GTPBP1: variants seen among roughly 807,000 people sequenced by gnomAD.
GTPBP1 encodes GTP-binding protein 1.
In GTPBP1, 23 loss-of-function variants were observed where a neutral mutation model predicts 62.0. The ratio of observed to expected loss-of-function variants is 0.37; its 90% CI spans 0.27 to 0.53. The LOEUF (loss-of-function observed/expected upper bound fraction) is 0.53, where lower values mean the gene tolerates loss of function less well. Ranked by LOEUF, GTPBP1 falls within the 20% of genes least tolerant of loss-of-function variation. The pLI is 0.89. For missense variants in GTPBP1, 640 were observed against 917.3 expected, an observed-to-expected ratio of 0.70 and a Z score of 3.90; for synonymous variants, 344 against 364.4, an observed-to-expected ratio of 0.94 and a Z score of 0.64.
At chr22:38,741,509 G>A (rs370844999), downstream of GTPBP1, 23 of 1,613,832 alleles carry the variant, frequency 1.4e-5, no homozygotes, top group South Asian at 1.9e-4. Flanking sequence ...AGGCCCGGAC[G>A]ATCTTCTTGA....
chr22:38,723,483 G>A (rs2092711593), intron 5 of GTPBP1: 1 of 820,378 alleles, frequency 1.2e-6, no homozygotes, highest in Non-Finnish European at 2.0e-6. Context: ...GCTCAGAGTA[G>A]CCTTCCCACA....
At chr22:38,713,907 T>C (rs541743103) in intron 2 of GTPBP1, among the ~76,000 whole-genome samples, 44 of 152,190 alleles carry the variant, frequency 2.9e-4, no homozygotes, top group African/African-American at 8.4e-4. Flanking sequence ...GTGTTAGAAA[T>C]GAGTGTTTTT....
downstream of GTPBP1, chr22:38,738,322 C>T: frequency 6.9e-7 from 1 of 1,441,190 alleles, no homozygotes. This position sits in a 1 kb window ranked among gnomAD's most constrained non-coding sequence, Gnocchi z 6.6. Flanking sequence ...ACACCCCTCC[C>T]CACTCCAATC....
downstream of GTPBP1, chr22:38,742,304 G>C: frequency 5.0e-6 from 8 of 1,598,300 alleles, no homozygotes; most frequent in Non-Finnish European, 6.8e-6. Context: ...CTCCTACCTG[G>C]ATGCGAGCAG....
chr22:38,716,001 T>C lies in GTPBP1; in HGVS notation c.399T>C (p.Leu133=), dbSNP rs1431911444. ...AACAGATAGAGGCCGATGTCATCCT[T>C]CTGCGGGAACGGCAAGAAGCTGGGG... is the stretch of plus-strand genomic sequence containing the variant. ...MAEQIEADVI[L]LRERQEAGGR... The change falls in exon 3 of 12, where the codon CTT becomes CTC. Residue 133 remains leucine (L), a synonymous_variant. Transcript: ENST00000216044. The surrounding 1 kb of genome is among the most constrained non-coding windows in gnomAD (Gnocchi z 5.2). The C allele has an allele frequency of 2.5e-6, 4 of 1,614,112 alleles. No homozygotes were observed. Among genetic ancestry groups the C allele is most frequent in the Non-Finnish European group, 3.4e-6 (4 of 1,180,004 alleles).
intron 5 of GTPBP1, chr22:38,723,471 A>T: frequency 1.0e-6 from 1 of 974,864 alleles, no homozygotes; most frequent in Admixed American, 2.0e-5. Context: ...CGGGCAGCCG[A>T]TGCTCAGAGT....
rs145629379 is a variant in GTPBP1, at chr22:38,707,690, G to A, written c.193-1155G>A. The stretch of plus-strand genomic sequence containing the variant: ...AATTGCAGGGCAGAGTTGCAAAGAC[G>A]GTAGTACCTTCATTTCTTGACCAGC... On this transcript the variant is annotated intron_variant, in intron 1 of 11. Transcript: ENST00000216044. 2.6e-3 allele frequency among the ~76,000 whole-genome samples: 396 copies of A among 152,234 alleles called. 4 individuals carry two copies. Among genetic ancestry groups the A allele is most frequent in the African/African-American group, 9.0e-3 (375 of 41,536 alleles).
At position 38,715,083 on chromosome 22, in the gene GTPBP1, C is replaced by T. The variant is rs970807924; in HGVS notation, c.305-824C>T. Among the ~76,000 whole-genome samples, 16 of 152,234 alleles carry T rather than the reference C, an allele frequency of 1.1e-4. 1 individual carries two copies. The highest frequency in any genetic ancestry group is 7.2e-4 in the Admixed American group (11 of 15,284). ...CCCCCATTTTCCTCCATCTTTCTGT[C>T]GTCATTATCTCTTGCCTGCATTATT... On this transcript the variant is annotated intron_variant, in intron 2 of 11. Coordinates refer to ENST00000216044, the MANE Select transcript of GTPBP1 (RefSeq NM_004286.5).
intron 2 of GTPBP1, among the ~76,000 whole-genome samples, chr22:38,711,162 C>T (rs1184691454): frequency 6.6e-6 from 1 of 152,220 alleles, no homozygotes; most frequent in African/African-American, 2.4e-5. Context: ...CTCTGTTTAT[C>T]ACATCCTTTC....
rs1227531142 is a variant in GTPBP1, at chr22:38,731,427, G to A, written c.*723G>A. The A allele has an allele frequency of 6.6e-6, 1 of 152,664 alleles. No homozygotes were observed. Among genetic ancestry groups the A allele is most frequent in the Non-Finnish European group, 1.5e-5 (1 of 68,108 alleles). The allele number at this position is 152,664 out of a possible 1,614,324, so 9.5% of individuals were successfully genotyped here. On this transcript the variant is annotated 3_prime_UTR_variant, in exon 12 of 12. Coordinates refer to ENST00000216044, the MANE Select transcript of GTPBP1 (RefSeq NM_004286.5). Reference sequence around the variant, plus strand: ...ACCTGGAGACATGTGGAGGGGAATGGCGATGGGATTATAGGACTCTCCCCA... The same window carrying A: ...ACCTGGAGACATGTGGAGGGGAATGACGATGGGATTATAGGACTCTCCCCA...
chr22:38,741,620 G>T, downstream of GTPBP1: 1 of 1,541,962 alleles, frequency 6.5e-7, no homozygotes. Flanking sequence ...ATGCTTATAG[G>T]GACCCTCATG....
chr22:38,707,951 G>A (rs774841084), intron 1 of GTPBP1, among the ~76,000 whole-genome samples: 9 of 152,166 alleles, frequency 5.9e-5, no homozygotes, highest in Non-Finnish European at 1.3e-4. Context: ...GCTTCCAAAG[G>A]GAGAAACACT....
downstream of GTPBP1, chr22:38,735,317 TGTG>T (rs1353077332): frequency 1.6e-5 from 7 of 443,972 alleles, no homozygotes; most frequent in Admixed American, 1.5e-4. Flanking sequence ...CCTGGTTAGA[TGTG>T]GGGGCCGGTG....
At position 38,716,940 on chromosome 22, in the gene GTPBP1, G is replaced by A; in HGVS notation, c.774G>A (p.Lys258=). 3.1e-6 allele frequency: 5 copies of A among 1,614,072 alleles called. No homozygotes were observed. The highest frequency in any genetic ancestry group is 1.1e-5 in the South Asian group (1 of 91,082). Reference sequence around the variant, plus strand: ...TCATCGACTTGGCTGGTCATGAGAAGTACCTGAAAACCACTGTCTTCGGCA... The same window carrying A: ...TCATCGACTTGGCTGGTCATGAGAAATACCTGAAAACCACTGTCTTCGGCA... ...ITFIDLAGHE[K]YLKTTVFGMT... Residue 258 remains lysine, a synonymous_variant, in exon 4 of 12, where the codon AAG becomes AAA. Transcript: ENST00000216044. This position sits in a 1 kb window ranked among gnomAD's most constrained non-coding sequence, Gnocchi z 5.2.
intron 4 of GTPBP1, among the ~76,000 whole-genome samples, chr22:38,720,014 T>C (rs1210461136): frequency 6.8e-6 from 1 of 146,926 alleles, no homozygotes; most frequent in African/African-American, 2.5e-5. Context: ...CTGCAAGCTC[T>C]GCCTCCCGGG....
At chr22:38,723,339 T>A in intron 5 of GTPBP1, 1 of 826,094 alleles carries the variant, frequency 1.2e-6, no homozygotes, top group Non-Finnish European at 2.1e-6. Context: ...GAGGAGCTGG[T>A]GCTAAAGAAT....
At chr22:38,725,912 C>T (rs762949383) in intron 6 of GTPBP1, 94 bp from the exon 7 acceptor site, 626 of 1,174,660 alleles carry the variant, frequency 5.3e-4, no homozygotes, top group Non-Finnish European at 7.5e-4. Flanking sequence ...ATCTGCTCCT[C>T]GAGCCCTGTT....
chr22:38,721,109 C>T (rs965305611), intron 4 of GTPBP1, among the ~76,000 whole-genome samples: 16 of 152,118 alleles, frequency 1.1e-4, no homozygotes, highest in African/African-American at 2.9e-4. Flanking sequence ...AACAGAGTTT[C>T]GCTCTTGTTG....
At chr22:38,721,196 C>T (rs370911341) in intron 4 of GTPBP1, among the ~76,000 whole-genome samples, 2 of 152,240 alleles carry the variant, frequency 1.3e-5, no homozygotes, top group African/African-American at 2.4e-5. Context: ...TTTCCTGCCT[C>T]AGCCTCCTGA....
Sources: gnomAD v4.1 joint callset for allele counts (sites outside exome capture counted in the v4.1 genomes callset) on GRCh38, gnomAD v4.1.1 for gene constraint, Gnocchi (gnomAD v3.1) non-coding constraint, MANE v1.5 for transcripts, NCBI Gene and HGNC (gene_info 2026-07-23, HGNC 2026-07-21) for gene names.